The following OPCML variants were observed in gnomAD, a reference collection of about 807,000 sequenced individuals.
The protein encoded by OPCML is opioid binding protein/cell adhesion molecule like, also known as opioid-binding protein/cell adhesion molecule.
A neutral mutation model predicts 37.8 loss-of-function variants in OPCML; 13 were observed. The observed-to-expected ratio is 0.34, with a 90% CI of 0.22 to 0.55. The LOEUF (loss-of-function observed/expected upper bound fraction) is 0.55. Ranked by LOEUF, OPCML falls within the 20% of genes least tolerant of loss-of-function variation. The pLI is 0.91. For missense variants in OPCML, 341 were observed against 435.6 expected (o/e 0.78, Z 1.93); for synonymous variants, 176 against 168.8 (o/e 1.04, Z -0.33).
intron 1 of OPCML, among the ~76,000 whole-genome samples, chr11:133,082,085 G>A (rs1196932460): frequency 6.6e-6 from 1 of 152,002 alleles, no homozygotes. Flanking sequence ...GCCCTGAGAC[G>A]GCCGGGGGTG....
intron 1 of OPCML, among the ~76,000 whole-genome samples, chr11:133,141,879 C>T (rs1949828647): frequency 6.6e-6 from 1 of 152,170 alleles, no homozygotes; most frequent in Non-Finnish European, 1.5e-5. Context: ...TCCATTCTTC[C>T]TTCTCACGCT....
rs78400946 is a variant in OPCML, at chr11:133,317,591, G to A, written c.61+214673C>T. Among the ~76,000 whole-genome samples the A allele has an allele frequency of 5.3e-3, 804 of 152,286 alleles. 7 individuals carry two copies. The highest frequency in any genetic ancestry group is 8.6e-3 in the Non-Finnish European group (586 of 68,024). On this transcript the variant is annotated intron_variant, in intron 1 of 7. Coordinates refer to ENST00000524381, the MANE Select transcript of OPCML (RefSeq NM_001012393.5). ...AAGTTGTTGTCGTAGTAGTCGCAACGGAGTTAGAAGTGAGTATCATAGTGA... is the reference window on the plus strand; with the variant it reads ...AAGTTGTTGTCGTAGTAGTCGCAACAGAGTTAGAAGTGAGTATCATAGTGA...
At chr11:133,331,518 A>T (rs1265909532) in intron 1 of OPCML, among the ~76,000 whole-genome samples, 2 of 152,194 alleles carry the variant, frequency 1.3e-5, no homozygotes, top group African/African-American at 4.8e-5. Flanking sequence ...ACAAAACAAA[A>T]ACAAAAAACA....
At chr11:132,670,365 C>A (rs761564086) in intron 2 of OPCML, among the ~76,000 whole-genome samples, 1 of 152,090 alleles carries the variant, frequency 6.6e-6, no homozygotes, top group Non-Finnish European at 1.5e-5. Flanking sequence ...ATATAATGTA[C>A]GGGATCACAG....
chr11:132,535,042 A>G (rs966230839), intron 3 of OPCML, among the ~76,000 whole-genome samples: 3 of 148,478 alleles, frequency 2.0e-5, no homozygotes, highest in African/African-American at 7.3e-5. Flanking sequence ...ACATTATATG[A>G]TATGTTATAT....
At chr11:133,024,283 C>T (rs995045822) in intron 1 of OPCML, 17 of 904,536 alleles carry the variant, frequency 1.9e-5, no homozygotes, top group Non-Finnish European at 2.2e-5. Context: ...CTAGAGCAAG[C>T]GTGTTGTGCA....
At chr11:132,794,468 A>G (rs1217616502) in intron 2 of OPCML, among the ~76,000 whole-genome samples, 1 of 152,134 alleles carries the variant, frequency 6.6e-6, no homozygotes, top group East Asian at 1.9e-4. Context: ...AATGACCTAC[A>G]AGCCTAGGTT....
At chr11:133,216,702 T>C (rs1939598316) in intron 1 of OPCML, among the ~76,000 whole-genome samples, 1 of 152,226 alleles carries the variant, frequency 6.6e-6, no homozygotes, top group Non-Finnish European at 1.5e-5. Context: ...GAACTGGGAT[T>C]CAAACTTGGA....
At chr11:132,706,850 C>T (rs1163469807) in intron 2 of OPCML, among the ~76,000 whole-genome samples, 1 of 152,210 alleles carries the variant, frequency 6.6e-6, no homozygotes, top group Non-Finnish European at 1.5e-5. Flanking sequence ...TACCAAATTA[C>T]ATTATCAGAT....
chr11:132,675,871 C>G (rs1008097758), intron 2 of OPCML, among the ~76,000 whole-genome samples: 1 of 152,164 alleles, frequency 6.6e-6, no homozygotes, highest in Non-Finnish European at 1.5e-5. Context: ...ATTTCCCAAA[C>G]TGTTCTACAG....
chr11:132,427,369 ATGTG>A (rs1200366863), intron 7 of OPCML, among the ~76,000 whole-genome samples: 1 of 152,226 alleles, frequency 6.6e-6, no homozygotes, highest in African/African-American at 2.4e-5. Flanking sequence ...TAGATGATGT[ATGTG>A]TTACACTTGT....
At position 133,326,943 on chromosome 11, in the gene OPCML, T is replaced by C. The variant is rs1472120155; in HGVS notation, c.61+205321A>G. ...GGCGAGTGTGTGTGTGGGGCGTGGGTGGGGTGTGTGTATGAGGTGGGGTAT... is the reference window on the plus strand; with the variant it reads ...GGCGAGTGTGTGTGTGGGGCGTGGGCGGGGTGTGTGTATGAGGTGGGGTAT... On this transcript the variant is annotated intron_variant, in intron 1 of 7. Transcript: ENST00000524381. 3.2e-5 allele frequency among the ~76,000 whole-genome samples: 3 copies of C among 93,298 alleles called. No individual in the cohort carries two copies. In the Admixed American group the frequency reaches 3.6e-4, roughly 11 times the overall value. The allele number at this position is 93,298 out of a possible 152,430, so 61.2% of individuals were successfully genotyped here.
At chr11:132,420,655 T>G (rs2095955262) in intron 7 of OPCML, among the ~76,000 whole-genome samples, 1 of 152,122 alleles carries the variant, frequency 6.6e-6, no homozygotes, top group South Asian at 2.1e-4. Context: ...GAGTGTCCAG[T>G]ACAGACAATG....
At chr11:132,553,259 A>G (rs2096386553) in intron 3 of OPCML, among the ~76,000 whole-genome samples, 1 of 152,192 alleles carries the variant, frequency 6.6e-6, no homozygotes, top group African/African-American at 2.4e-5. Flanking sequence ...TCTTCACTTA[A>G]CAGATGGATC....
intron 1 of OPCML, among the ~76,000 whole-genome samples, chr11:133,199,960 C>T (rs565837299): frequency 2.0e-5 from 3 of 152,268 alleles, no homozygotes; most frequent in East Asian, 1.9e-4. Flanking sequence ...TGCACTGACT[C>T]GGGAGAGACT....
chr11:132,909,050 C>G (rs933748068), intron 2 of OPCML, among the ~76,000 whole-genome samples: 1 of 149,808 alleles, frequency 6.7e-6, no homozygotes, highest in African/African-American at 2.5e-5. Flanking sequence ...GCCTCAGAGA[C>G]AGAAGCATCA....
At chr11:133,313,341 T>C (rs1943112049) in intron 1 of OPCML, among the ~76,000 whole-genome samples, 1 of 152,198 alleles carries the variant, frequency 6.6e-6, no homozygotes. Context: ...CACAAATAAA[T>C]AGACTGCAAA....
At chr11:132,737,178 AAGG>A (rs1945287847) in intron 2 of OPCML, among the ~76,000 whole-genome samples, 2 of 152,204 alleles carry the variant, frequency 1.3e-5, no homozygotes, top group Admixed American at 6.5e-5. Context: ...AGTGGTTTGC[AAGG>A]AGGTCAAAGT....
chr11:133,207,976 A>G (rs1939175867), intron 1 of OPCML, among the ~76,000 whole-genome samples: 1 of 151,750 alleles, frequency 6.6e-6, no homozygotes, highest in African/African-American at 2.4e-5. Flanking sequence ...TCCCTCCTTT[A>G]CCCATCTACT....
Sources: allele counts gnomAD v4.1 joint callset (sites outside exome capture counted in the v4.1 genomes callset), GRCh38; gene constraint gnomAD v4.1.1; transcripts MANE v1.5; gene names NCBI Gene and HGNC (gene_info 2026-07-23, HGNC 2026-07-21).